NFIX: variants seen among roughly 807,000 people sequenced by gnomAD.
NFIX encodes the protein nuclear factor I X, also known as nuclear factor 1 X-type.
In NFIX, 2 loss-of-function variants were observed where a neutral mutation model predicts 53.3. The observed-to-expected ratio is 0.04, with a 90% confidence interval of 0.02 to 0.12. The LOEUF is 0.12. Ranked by LOEUF, NFIX falls within the 10% of genes least tolerant of loss-of-function variation. NFIX has a pLI of 1.00. For synonymous variants in NFIX, 244 were observed against 289.0 expected (o/e 0.84, Z 1.58); for missense variants, 310 against 674.5 (o/e 0.46, Z 5.99).
chr19:13,065,826 G>A (rs1187121217), intron 2 of NFIX, among the ~76,000 whole-genome samples: 3 of 152,256 alleles, frequency 2.0e-5, no homozygotes, highest in Non-Finnish European at 4.4e-5. Context: ...AGCAGAGAAC[G>A]CTGAGTAGCT....
chr19:13,002,250 CCT>C lies in NFIX; in HGVS notation c.27+6392_27+6393del, dbSNP rs1356459494. ...CTCCCCTCCTCCCCTCCTCCCGCTCCCTCTCTCCCTCTCTCTCTCCTCCTGCC... is the reference window on the plus strand; with the variant it reads ...CTCCCCTCCTCCCCTCCTCCCGCTCCCTCTCCCTCTCTCTCTCCTCCTGCC... On this transcript the variant is annotated intron_variant, in intron 1 of 10. Transcript: ENST00000592199. The surrounding 1 kb of genome is among the most constrained non-coding windows in gnomAD (Gnocchi z 6.1). 3.3e-5 allele frequency among the ~76,000 whole-genome samples: 5 copies of C among 151,914 alleles called. No individual in the cohort carries two copies. The highest frequency in any genetic ancestry group is 1.5e-5 in the Non-Finnish European group (1 of 67,946).
chr19:13,083,410 C>A (rs1480188949), intron 8 of NFIX, among the ~76,000 whole-genome samples: 1 of 152,134 alleles, frequency 6.6e-6, no homozygotes, highest in African/African-American at 2.4e-5. Flanking sequence ...GCCAAGGAGC[C>A]AAACCTAACC....
chr19:13,004,384 G>A lies in NFIX; in HGVS notation c.27+8520G>A, dbSNP rs565653661. ...CCCTCACTAGGACCCAGGCATTGTC[G>A]CATATATACCCCATTTCCCCTGCCA... On this transcript the variant is annotated intron_variant, in intron 1 of 10. Coordinates refer to ENST00000592199, the MANE Select transcript of NFIX (RefSeq NM_001365902.3). Among the ~76,000 whole-genome samples, 129 of 152,092 alleles carry A rather than the reference G, an allele frequency of 8.5e-4. 1 individual carries two copies. The highest frequency in any genetic ancestry group is 3.0e-3 in the African/African-American group (125 of 41,476).
chr19:13,098,146 C>T lies in NFIX; in HGVS notation c.*3497C>T, dbSNP rs965140701. The T allele has an allele frequency of 1.4e-4, 21 of 152,478 alleles. No homozygotes were observed. The highest frequency in any genetic ancestry group is 5.1e-4 in the African/African-American group (21 of 41,566). The allele number at this position is 152,478 out of a possible 1,614,324, so 9.4% of individuals were successfully genotyped here. A position where few individuals can be genotyped will look rare whatever the true frequency, so the allele number is the denominator to read the frequency against. On this transcript the variant is annotated 3_prime_UTR_variant, in exon 11 of 11. Coordinates refer to ENST00000592199, the MANE Select transcript of NFIX (RefSeq NM_001365902.3). ...TGGCTCAGACGACCCACCACTCCCC[C>T]ACCCTGACCGTGCTGAACAGACCCC...
intron 2 of NFIX, among the ~76,000 whole-genome samples, chr19:13,064,698 C>T (rs763259417): frequency 3.0e-4 from 46 of 152,198 alleles, no homozygotes; most frequent in Non-Finnish European, 4.9e-4. Flanking sequence ...AGGACACACT[C>T]ACCATGTACT....
intron 1 of NFIX, among the ~76,000 whole-genome samples, chr19:13,010,201 G>GCGGC (rs2012256687): frequency 6.6e-6 from 1 of 152,184 alleles, no homozygotes; most frequent in Admixed American, 6.5e-5. Context: ...TGCCGGGCGG[G>GCGGC]CGGCCGGCCC....
Position 13,025,456 on chromosome 19 carries a change from C to G in NFIX, c.463C>G (p.Gln155Glu). ...TGGGGAGCGGCTCTACAAGTCGCCT[C>G]AGTGCTCGAACCCCGGCCTGTGCGT... ...TDGERLYKSP[Q>E]CSNPGLCVQP... is the part of the protein sequence containing the mutation. The change falls in exon 2 of 11, where the codon CAG (glutamine) becomes GAG (glutamate). Residue 155 changes from glutamine (Q) to glutamate (E), a missense_variant. By Grantham distance (29) the Gln-to-Glu change is conservative (BLOSUM62 2). Coordinates refer to ENST00000592199, the MANE Select transcript of NFIX (RefSeq NM_001365902.3). The surrounding 1 kb of genome is among the most constrained non-coding windows in gnomAD (Gnocchi z 7.5). 2.5e-6 allele frequency: 4 copies of G among 1,614,082 alleles called. No homozygotes were observed. Among genetic ancestry groups the G allele is most frequent in the Non-Finnish European group, 3.4e-6 (4 of 1,179,908 alleles).
chr19:13,001,795 G>A lies in NFIX; in HGVS notation c.27+5931G>A, dbSNP rs1044274446. Among the ~76,000 whole-genome samples the A allele has an allele frequency of 1.3e-5, 2 of 152,346 alleles. No individual in the cohort carries two copies. Among genetic ancestry groups the A allele is most frequent in the African/African-American group, 4.8e-5 (2 of 41,582 alleles). ...CCCTTGGCCTCCGAGCACCATGTGA[G>A]ATGCCTGCTATGGCGGCCGGGCAAG... On this transcript the variant is annotated intron_variant, in intron 1 of 10. Transcript: ENST00000592199. The surrounding 1 kb of genome is among the most constrained non-coding windows in gnomAD (Gnocchi z 6.5).
At position 13,072,232 on chromosome 19, in the gene NFIX, G is replaced by A. The variant is rs2016818403; in HGVS notation, c.560-815G>A. Among the ~76,000 whole-genome samples the A allele has an allele frequency of 1.3e-5, 2 of 152,218 alleles. No homozygotes were observed. The highest frequency in any genetic ancestry group is 4.8e-5 in the African/African-American group (2 of 41,466). The stretch of plus-strand genomic sequence containing the variant: ...AGCTTTGAGGACCAGGGGGACCAGG[G>A]TGGGGGGCTTTCCCAAGCTCAGCAA... On this transcript the variant is annotated intron_variant, in intron 2 of 10. Coordinates refer to ENST00000592199, the MANE Select transcript of NFIX (RefSeq NM_001365902.3). This position sits in a 1 kb window ranked among gnomAD's most constrained non-coding sequence, Gnocchi z 4.0.
chr19:13,095,474 C>G lies in NFIX; in HGVS notation c.*825C>G, dbSNP rs1274054150. 1 of 152,280 alleles carries G rather than the reference C, an allele frequency of 6.6e-6. No homozygotes were observed. Among genetic ancestry groups the G allele is most frequent in the Admixed American group, 6.5e-5 (1 of 15,290 alleles). The allele number at this position is 152,280 out of a possible 1,614,324, so 9.4% of individuals were successfully genotyped here. A position where few individuals can be genotyped will look rare whatever the true frequency, so the allele number is the denominator to read the frequency against. ...GGCCTCGTCCCAGCCTGGGACAGGC[C>G]CCCTTTCCCCTCTCTCTGCAGGCCA... On this transcript the variant is annotated 3_prime_UTR_variant, in exon 11 of 11. Transcript: ENST00000592199.
intron 8 of NFIX, among the ~76,000 whole-genome samples, chr19:13,083,958 C>T (rs1017180): frequency 0.36 from 55,172 of 152,122 alleles, 10,759 homozygotes; most frequent in East Asian, 0.6. Flanking sequence ...TTGGCATGCG[C>T]GAGAGTCAAC....
rs144864983 is a variant in NFIX at position 13,079,398 on chromosome 19, C to T, written c.1078+663C>T. 1.3e-4 allele frequency among the ~76,000 whole-genome samples: 20 copies of T among 152,340 alleles called. No individual in the cohort carries two copies. In the East Asian group the frequency reaches 3.1e-3, roughly 24 times the overall value. On this transcript the variant is annotated intron_variant, in intron 7 of 10. Coordinates refer to ENST00000592199, the MANE Select transcript of NFIX (RefSeq NM_001365902.3). The stretch of plus-strand genomic sequence containing the variant: ...GTGCTCAGGATGAGAACACCTAGAT[C>T]GCCCTGAGGAGATAGGATCAGGCAG...
At position 13,009,873 on chromosome 19, in the gene NFIX, G is replaced by T. The variant is rs1303369521; in HGVS notation, c.27+14009G>T. 3.9e-5 allele frequency among the ~76,000 whole-genome samples: 6 copies of T among 152,210 alleles called. No individual in the cohort carries two copies. The highest frequency in any genetic ancestry group is 1.4e-4 in the African/African-American group (6 of 41,458). ...GGTGGCAGCTTGTGGTCCTTTGGGG[G>T]ATTTGGTGGTAGAACGGGGCCGGGG... On this transcript the variant is annotated intron_variant, in intron 1 of 10. Transcript: ENST00000592199. This position sits in a 1 kb window ranked among gnomAD's most constrained non-coding sequence, Gnocchi z 4.7.
intron 1 of NFIX, among the ~76,000 whole-genome samples, chr19:13,010,243 G>A (rs1334981014): frequency 6.6e-6 from 1 of 152,198 alleles, no homozygotes; most frequent in African/African-American, 2.4e-5. Context: ...GCCAGATCCG[G>A]GCTCAGCTGG....
Position 13,073,594 on chromosome 19 carries a change from A to G in NFIX, c.697+98A>G. 1 of 1,070,496 alleles carries G rather than the reference A, an allele frequency of 9.3e-7. No homozygotes were observed. Among genetic ancestry groups the G allele is most frequent in the South Asian group, 1.3e-5 (1 of 76,874 alleles). 66.3% of individuals were successfully genotyped at this position (1,070,496 alleles called of 1,614,324 possible). A position where few individuals can be genotyped will look rare whatever the true frequency, so the allele number is the denominator to read the frequency against. On this transcript the variant is annotated intron_variant, in intron 4 of 10. Coordinates refer to ENST00000592199, the MANE Select transcript of NFIX (RefSeq NM_001365902.3). The surrounding 1 kb of genome is among the most constrained non-coding windows in gnomAD (Gnocchi z 4.5). Reference sequence around the variant, plus strand: ...CCTAATGGGGTCTTAGGGCAGGTGGATGGGAACAGATGCTTTCTGGGACAC... The same window carrying G: ...CCTAATGGGGTCTTAGGGCAGGTGGGTGGGAACAGATGCTTTCTGGGACAC...
chr19:13,016,343 C>T (rs2012663998), intron 1 of NFIX, among the ~76,000 whole-genome samples: 1 of 152,168 alleles, frequency 6.6e-6, no homozygotes. Context: ...ACGAGGCATC[C>T]TGACCCGTCC....
chr19:13,073,666 G>C lies in NFIX; in HGVS notation c.697+170G>C, dbSNP rs955758254. Among the ~76,000 whole-genome samples, 3 of 152,124 alleles carry C rather than the reference G, an allele frequency of 2.0e-5. No individual in the cohort carries two copies. Among genetic ancestry groups the C allele is most frequent in the Admixed American group, 6.5e-5 (1 of 15,268 alleles). ...GCTGGGTACAATAGAGTCTTCCAGA[G>C]AGGCCTGTCTCCAGTCTCCATTGCT... On this transcript the variant is annotated intron_variant, in intron 4 of 10. Coordinates refer to ENST00000592199, the MANE Select transcript of NFIX (RefSeq NM_001365902.3). This position sits in a 1 kb window ranked among gnomAD's most constrained non-coding sequence, Gnocchi z 4.5.
rs1300397518 is a variant in NFIX, at chr19:13,002,316, G to A, written c.27+6452G>A. ...CTCCGTCTGAATATCTCTCCTCCTCGATTTTTGGCTCCAGCTCTGGGCGCG... is the reference window on the plus strand; with the variant it reads ...CTCCGTCTGAATATCTCTCCTCCTCAATTTTTGGCTCCAGCTCTGGGCGCG... On this transcript the variant is annotated intron_variant, in intron 1 of 10. Transcript: ENST00000592199. The surrounding 1 kb of genome is among the most constrained non-coding windows in gnomAD (Gnocchi z 6.1). Among the ~76,000 whole-genome samples, 3 of 151,498 alleles carry A rather than the reference G, an allele frequency of 2.0e-5. No homozygotes were observed. Among genetic ancestry groups the A allele is most frequent in the South Asian group, 2.1e-4 (1 of 4,820 alleles).
rs1599901158 is a variant in NFIX, at chr19:13,097,699, A to C, written c.*3050A>C. On this transcript the variant is annotated 3_prime_UTR_variant, in exon 11 of 11. Coordinates refer to ENST00000592199, the MANE Select transcript of NFIX (RefSeq NM_001365902.3). ...CCGCAGAGGTCAATGCCAACGAACA[A>C]ACGTCCCCTCCCTCCCTCCCTCTCC... 1 of 150,816 alleles carries C rather than the reference A, an allele frequency of 6.6e-6. No individual in the cohort carries two copies. 9.3% of individuals were successfully genotyped at this position (150,816 alleles called of 1,614,324 possible).
Sources: gnomAD v4.1 joint callset for allele counts (sites outside exome capture counted in the v4.1 genomes callset) on GRCh38, gnomAD v4.1.1 for gene constraint, Gnocchi (gnomAD v3.1) non-coding constraint, MANE v1.5 for transcripts, NCBI Gene and HGNC (gene_info 2026-07-23, HGNC 2026-07-21) for gene names.